The following NCAPD3 variants were observed in gnomAD, a reference collection of about 807,000 sequenced individuals.
The protein encoded by NCAPD3 is condensin-2 complex subunit D3.
Under a neutral mutation model 182.9 loss-of-function variants are expected in NCAPD3, and 105 were observed. The ratio of observed to expected loss-of-function variants is 0.57; its 90% CI spans 0.49 to 0.68. NCAPD3 has a LOEUF of 0.68. Ranked by LOEUF, NCAPD3 falls within the 30% of genes least tolerant of loss-of-function variation. The probability of loss-of-function intolerance (pLI) is 0.00; values close to 1 mark genes in which losing one functional copy is unlikely to be tolerated. For synonymous variants in NCAPD3, 815 were observed against 679.9 expected (o/e 1.20, Z -3.09); for missense variants, 1,944 against 1,837.0 (o/e 1.06, Z -1.07).
At chr11:134,223,267 C>T (rs1265617951) in intron 1 of NCAPD3, 1 of 593,850 alleles carries the variant, frequency 1.7e-6, no homozygotes, top group Non-Finnish European at 3.0e-6. Flanking sequence ...CCTGCAATTG[C>T]TCGAGGCTAT....
intron 8 of NCAPD3, among the ~76,000 whole-genome samples, 195 bp from the exon 9 acceptor site, chr11:134,205,166 G>C (rs780252285): frequency 6.6e-6 from 1 of 152,314 alleles, no homozygotes; most frequent in Non-Finnish European, 1.5e-5. Context: ...GTGCAGTTTT[G>C]AGAGCTGCTG....
chr11:134,184,808 T>TACACACACACACAC (rs770341081), intron 18 of NCAPD3, 56 bp from the exon 19 acceptor site: 10 of 955,498 alleles, frequency 1.0e-5, no homozygotes, highest in East Asian at 8.3e-5. Context: ...TTCAGGTATA[T>TACACACACACACAC]ATACACACAC....
At chr11:134,159,730 A>G (rs1423300807) in intron 29 of NCAPD3, among the ~76,000 whole-genome samples, 162 bp downstream of exon 29, 1 of 152,220 alleles carries the variant, frequency 6.6e-6, no homozygotes, top group Non-Finnish European at 1.5e-5. Flanking sequence ...TCCATCACAG[A>G]CAGAAAGGCA....
intron 27 of NCAPD3, among the ~76,000 whole-genome samples, chr11:134,165,544 G>A (rs1477074065): frequency 5.4e-5 from 8 of 149,134 alleles, no homozygotes; most frequent in African/African-American, 7.4e-5. Context: ...GAGCTTAGGG[G>A]AGCAGCACAC....
chr11:134,162,997 T>C (rs1943631028), intron 27 of NCAPD3, among the ~76,000 whole-genome samples: 1 of 152,034 alleles, frequency 6.6e-6, no homozygotes, highest in Admixed American at 6.6e-5. Context: ...CGCTGCAGAC[T>C]TTAGACCCAG....
chr11:134,156,896 C>G lies in NCAPD3; in HGVS notation c.4252+122G>C, dbSNP rs112376691. On this transcript the variant is annotated intron_variant, in intron 32 of 34. Transcript: ENST00000534548. Reference sequence around the variant, plus strand: ...TGAAATACTCCACCTCAGCAATGCACTCATGGTTCTGACCATCAGAACTAT... The same window carrying G: ...TGAAATACTCCACCTCAGCAATGCAGTCATGGTTCTGACCATCAGAACTAT... 2.2e-3 allele frequency: 1,858 copies of G among 846,380 alleles called. 15 individuals carry two copies. The African/African-American group carries it at 0.028, about 13-fold the overall frequency. The allele number at this position is 846,380 out of a possible 1,614,324, so 52.4% of individuals were successfully genotyped here. A position where few individuals can be genotyped will look rare whatever the true frequency, so the allele number is the denominator to read the frequency against.
intron 12 of NCAPD3, 56 bp downstream of exon 12, chr11:134,203,086 T>G (rs535685878): frequency 7.2e-7 from 1 of 1,382,144 alleles, no homozygotes; most frequent in African/African-American, 1.5e-5. Flanking sequence ...TTTTAAATAT[T>G]CCACAAATTT....
At chr11:134,157,670 A>C (rs961299982) in intron 31 of NCAPD3, among the ~76,000 whole-genome samples, 3 of 152,168 alleles carry the variant, frequency 2.0e-5, no homozygotes, top group Non-Finnish European at 4.4e-5. Context: ...AAAACAAAAC[A>C]CGTGTGTGTA....
chr11:134,209,614 C>T (rs577290813), intron 4 of NCAPD3, 137 bp from the exon 5 acceptor site: 11 of 745,972 alleles, frequency 1.5e-5, no homozygotes, highest in Admixed American at 8.6e-5. Context: ...TTGACCAGGT[C>T]GCATGACTGT....
Position 134,217,068 on chromosome 11 carries a change from CA to C in NCAPD3, c.249del (p.Asn83LysfsTer17), listed in dbSNP as rs1309578552. ...AATGCCACCAGTGTACTATGGGAAA[CA>C]TTGTTCTCAATGAAGAAGGTCCAGA... Reference protein sequence around the residue: ...ESIWTFFIENNVSHSTLVALF... With the variant: ...ESIWTFFIENXVSHSTLVALF... On this transcript the variant is annotated frameshift_variant, in exon 3 of 35. Transcript: ENST00000534548. LOFTEE classifies it high-confidence loss of function. The C allele has an allele frequency of 1.2e-6, 2 of 1,612,474 alleles. No homozygotes were observed. The highest frequency in any genetic ancestry group is 2.7e-5 in the African/African-American group (2 of 74,832).
chr11:134,190,482 A>C (rs1944501202), intron 16 of NCAPD3, among the ~76,000 whole-genome samples: 1 of 152,026 alleles, frequency 6.6e-6, no homozygotes, highest in East Asian at 1.9e-4. Context: ...CATCCTTCTG[A>C]AGTACATCCT....
chr11:134,152,973 G>A lies in NCAPD3; in HGVS notation c.4468C>T (p.Arg1490Ter), dbSNP rs1228289225. Residue 1490 changes from arginine to a stop codon, truncating the protein, a stop_gained, in exon 35 of 35, where the codon CGA becomes TGA. Coordinates refer to ENST00000534548, the MANE Select transcript of NCAPD3 (RefSeq NM_015261.3). LOFTEE classifies it high-confidence loss of function. ...DTPACSRRSL[R>*]KTPLKTAN ...TTGGCTGTTTTCAGAGGGGTCTTTC[G>A]GAGGGACCTCCTGCTGCAGGCTGGA... 3.2e-6 allele frequency: 5 copies of A among 1,571,794 alleles called. No individual in the cohort carries two copies. Among genetic ancestry groups the A allele is most frequent in the East Asian group, 2.3e-5 (1 of 44,418 alleles).
At chr11:134,159,421 T>C (rs1166615248) in intron 29 of NCAPD3, among the ~76,000 whole-genome samples, 1 of 152,244 alleles carries the variant, frequency 6.6e-6, no homozygotes, top group Non-Finnish European at 1.5e-5. Flanking sequence ...AACAGAATAC[T>C]ATGAGAAAGC....
intron 32 of NCAPD3, among the ~76,000 whole-genome samples, chr11:134,155,508 G>T: frequency 6.6e-6 from 1 of 152,184 alleles, no homozygotes; most frequent in Admixed American, 6.5e-5. Context: ...CCAACTCAAT[G>T]ACACCGGGCG....
At chr11:134,194,562 A>T in intron 14 of NCAPD3, 103 bp downstream of exon 14, 1 of 743,734 alleles carries the variant, frequency 1.3e-6, no homozygotes. Flanking sequence ...TTAGGCGAAA[A>T]GCAAATTAAG....
At chr11:134,171,114 A>G (rs929303773) in intron 24 of NCAPD3, among the ~76,000 whole-genome samples, 1 of 152,146 alleles carries the variant, frequency 6.6e-6, no homozygotes, top group African/African-American at 2.4e-5. Context: ...GATTCTCAAG[A>G]AATCTTAGTA....
intron 13 of NCAPD3, among the ~76,000 whole-genome samples, chr11:134,198,242 C>A (rs1591851414): frequency 6.6e-6 from 1 of 152,170 alleles, no homozygotes; most frequent in Non-Finnish European, 1.5e-5. Context: ...TATCTGAAGG[C>A]TTCCTCTGCA....
At chr11:134,165,711 A>T (rs1211171524) in intron 27 of NCAPD3, among the ~76,000 whole-genome samples, 2 of 141,432 alleles carry the variant, frequency 1.4e-5, no homozygotes, top group African/African-American at 2.7e-5. Flanking sequence ...GGAGGCGCAC[A>T]CTCGTGAGAT....
At chr11:134,162,864 A>T (rs1175421177) in intron 27 of NCAPD3, among the ~76,000 whole-genome samples, 4 of 152,166 alleles carry the variant, frequency 2.6e-5, no homozygotes, top group African/African-American at 9.7e-5. Context: ...TCTCAAGGGA[A>T]GAGGTGTTAA....
Sources: gnomAD v4.1 joint callset for allele counts (sites outside exome capture counted in the v4.1 genomes callset) on GRCh38, gnomAD v4.1.1 for gene constraint, MANE v1.5 for transcripts, NCBI Gene and HGNC (gene_info 2026-07-23, HGNC 2026-07-21) for gene names.